Variants in LRP1B observed in about 807,000 individuals in gnomAD.
The protein encoded by LRP1B is low-density lipoprotein receptor-related protein 1B.
LRP1B carries 217 observed loss-of-function variants against 556.6 expected under a neutral mutation model. The observed-to-expected ratio is 0.39, with a 90% confidence interval of 0.35 to 0.44. LRP1B has a LOEUF of 0.44. Among genes scored for constraint, LRP1B ranks in the 20% least tolerant of loss-of-function variants. The pLI, the probability that LRP1B is intolerant of heterozygous loss-of-function variation, is 1.00. For missense variants in LRP1B, 5,053 were observed against 5,620.8 expected (o/e 0.90, Z 3.23); for synonymous variants, 2,047 against 1,865.8 (o/e 1.10, Z -2.50).
At position 141,059,067 on chromosome 2, in the gene LRP1B, C is replaced by T; in HGVS notation, c.1237-13G>A. 1 of 1,414,986 alleles carries T rather than the reference C, an allele frequency of 7.1e-7. No individual in the cohort carries two copies. Among genetic ancestry groups the T allele is most frequent in the Non-Finnish European group, 9.4e-7 (1 of 1,061,086 alleles). The allele number at this position is 1,414,986 out of a possible 1,614,324, so 87.7% of individuals were successfully genotyped here. A position where few individuals can be genotyped will look rare whatever the true frequency, so the allele number is the denominator to read the frequency against. On this transcript the variant is annotated splice_polypyrimidine_tract_variant and intron_variant, in intron 8 of 90. Coordinates refer to ENST00000389484, the MANE Select transcript of LRP1B (RefSeq NM_018557.3). ...AAAGATGTCTAACCTATAAAGAGGG[C>T]AAAACATAACTATGATTTTTAATTA...
intron 7 of LRP1B, among the ~76,000 whole-genome samples, chr2:141,074,045 C>T (rs1214241392): frequency 6.6e-6 from 1 of 152,068 alleles, no homozygotes; most frequent in African/African-American, 2.4e-5. Context: ...TCAAATCTTA[C>T]ATTCCTAACA....
Position 140,575,921 on chromosome 2 carries a change from A to AAAAAAACAAAAAAC in LRP1B, c.7194+22696_7194+22709dup, listed in dbSNP as rs112393405. On this transcript the variant is annotated intron_variant, in intron 43 of 90. Transcript: ENST00000389484. ...TGGAGACAAAGCAAGACTCTGTCTC[A>AAAAAAACAAAAAAC]AAAAAACAAAAAACAAAAAACAAAA... is the stretch of plus-strand genomic sequence containing the variant. Among the ~76,000 whole-genome samples, 13 of 149,242 alleles carry AAAAAAACAAAAAAC rather than the reference A, an allele frequency of 8.7e-5. 1 individual carries two copies. Among genetic ancestry groups the AAAAAAACAAAAAAC allele is most frequent in the African/African-American group, 3.2e-4 (13 of 40,452 alleles).
chr2:140,485,958 T>A (rs1688455159), intron 58 of LRP1B, among the ~76,000 whole-genome samples: 1 of 151,842 alleles, frequency 6.6e-6, no homozygotes, highest in African/African-American at 2.4e-5. Context: ...TCTACTGCTC[T>A]TGACCTATTT....
At chr2:141,545,587 G>A (rs1685521842) in intron 2 of LRP1B, among the ~76,000 whole-genome samples, 1 of 152,164 alleles carries the variant, frequency 6.6e-6, no homozygotes, top group Non-Finnish European at 1.5e-5. Flanking sequence ...GCTCATGAAT[G>A]TAATCACAGC....
At chr2:141,669,422 A>G (rs1394040630) in intron 2 of LRP1B, among the ~76,000 whole-genome samples, 1 of 152,076 alleles carries the variant, frequency 6.6e-6, no homozygotes, top group East Asian at 1.9e-4. Context: ...CACCCAGACT[A>G]TGGTGCTTTG....
chr2:141,646,638 C>T (rs1184703637), intron 2 of LRP1B, among the ~76,000 whole-genome samples: 1 of 151,992 alleles, frequency 6.6e-6, no homozygotes, highest in East Asian at 1.9e-4. Flanking sequence ...TTAGAAAACT[C>T]ATGGAAATGC....
chr2:140,598,507 G>T, intron 43 of LRP1B, 124 bp downstream of exon 43: 1 of 702,526 alleles, frequency 1.4e-6, no homozygotes, highest in South Asian at 1.9e-5. Context: ...TATTCAATTG[G>T]ATTGTTTCAA....
intron 2 of LRP1B, 92 bp downstream of exon 2, chr2:141,810,187 A>C (rs959586553): frequency 9.6e-7 from 1 of 1,038,274 alleles, no homozygotes; most frequent in South Asian, 2.6e-5. Flanking sequence ...GAAAGAAAGA[A>C]TCATCTAGAA....
At chr2:140,361,217 G>C (rs970150629) in intron 72 of LRP1B, among the ~76,000 whole-genome samples, 5 of 149,014 alleles carry the variant, frequency 3.4e-5, no homozygotes, top group Admixed American at 6.8e-5. Flanking sequence ...CCTAAATTTA[G>C]GTGAGCGAAA....
At chr2:140,500,562 C>A (rs1161874214) in intron 55 of LRP1B, among the ~76,000 whole-genome samples, 2 of 151,962 alleles carry the variant, frequency 1.3e-5, no homozygotes, top group Admixed American at 1.3e-4. Context: ...TCATTAGAAA[C>A]TTCTGCCTTG....
chr2:141,339,166 C>CT (rs541924464), intron 3 of LRP1B, among the ~76,000 whole-genome samples: 255 of 151,354 alleles, frequency 1.7e-3, no homozygotes, highest in African/African-American at 6.0e-3. Flanking sequence ...TTTTATATGA[C>CT]TTTTTTCAAA....
chr2:140,294,276 C>G (rs1193219770), intron 84 of LRP1B, among the ~76,000 whole-genome samples: 1 of 152,138 alleles, frequency 6.6e-6, no homozygotes, highest in Non-Finnish European at 1.5e-5. Context: ...GTTACAAGAT[C>G]ATTGAACACT....
chr2:141,097,975 A>G (rs1700363019), intron 7 of LRP1B, among the ~76,000 whole-genome samples: 1 of 152,182 alleles, frequency 6.6e-6, no homozygotes, highest in Admixed American at 6.5e-5. Flanking sequence ...ATGGTGAACA[A>G]TGGTAATAAT....
chr2:141,521,740 A>C (rs758062535), intron 2 of LRP1B, among the ~76,000 whole-genome samples: 4 of 152,062 alleles, frequency 2.6e-5, no homozygotes, highest in African/African-American at 4.8e-5. Context: ...TAAATTAAGA[A>C]AATTAATAAT....
intron 11 of LRP1B, among the ~76,000 whole-genome samples, chr2:141,039,701 A>G (rs1698640147): frequency 6.6e-6 from 1 of 152,084 alleles, no homozygotes; most frequent in Admixed American, 6.6e-5. Flanking sequence ...GGGTGGAAAT[A>G]AAGGAAAGGA....
chr2:141,635,246 G>A (rs912922049), intron 2 of LRP1B, among the ~76,000 whole-genome samples: 3 of 152,116 alleles, frequency 2.0e-5, no homozygotes, highest in Admixed American at 6.6e-5. Context: ...ATTAACTCGA[G>A]GCTTTTAAAA....
intron 1 of LRP1B, among the ~76,000 whole-genome samples, chr2:142,074,753 C>A (rs79091502): frequency 1.3e-4 from 20 of 152,114 alleles, no homozygotes; most frequent in East Asian, 7.8e-4. Flanking sequence ...AGTAAGTTAC[C>A]AAACAATGTT....
intron 6 of LRP1B, among the ~76,000 whole-genome samples, chr2:141,219,657 G>A (rs1349460414): frequency 6.6e-6 from 1 of 152,130 alleles, no homozygotes; most frequent in South Asian, 2.1e-4. Flanking sequence ...AGGGCCATGA[G>A]ACACCTCATA....
At chr2:141,292,717 C>T (rs1216118113) in intron 3 of LRP1B, among the ~76,000 whole-genome samples, 2 of 152,042 alleles carry the variant, frequency 1.3e-5, no homozygotes, top group Non-Finnish European at 2.9e-5. Flanking sequence ...GTGGGACAAC[C>T]TACTAAACAT....
Sources: gnomAD v4.1 joint callset for allele counts (sites outside exome capture counted in the v4.1 genomes callset) on GRCh38, gnomAD v4.1.1 for gene constraint, MANE v1.5 for transcripts, NCBI Gene and HGNC (gene_info 2026-07-23, HGNC 2026-07-21) for gene names.